EFCAB11: variants seen among roughly 807,000 people sequenced by gnomAD.
EFCAB11 encodes the protein EF-hand calcium binding domain 11.
EFCAB11 carries 14 observed loss-of-function variants against 23.0 expected under a neutral mutation model. The ratio of observed to expected loss-of-function variants is 0.61; its 90% confidence interval spans 0.40 to 0.95. EFCAB11 has a LOEUF of 0.95. EFCAB11 is among the 40% of genes least tolerant of loss of function. The pLI is 0.00. For missense variants in EFCAB11, 198 were observed against 195.8 expected, an observed-to-expected ratio of 1.01 and a Z score of -0.07; for synonymous variants, 65 against 66.6, an observed-to-expected ratio of 0.98 and a Z score of 0.11.
intron 5 of EFCAB11, among the ~76,000 whole-genome samples, chr14:89,813,592 G>C (rs531939794): frequency 6.6e-6 from 1 of 152,086 alleles, no homozygotes; most frequent in African/African-American, 2.4e-5. Context: ...TCTATGAGGA[G>C]CATTTGTTAC....
chr14:89,888,332 A>C (rs1241838883), intron 5 of EFCAB11, among the ~76,000 whole-genome samples: 1 of 152,220 alleles, frequency 6.6e-6, no homozygotes, highest in Non-Finnish European at 1.5e-5. Context: ...GCTATAAAGA[A>C]ATATCTGAGC....
In EFCAB11 at chr14:89,794,886, A is replaced by C. The variant is rs996720240; in HGVS notation, c.*2357T>G. The C allele has an allele frequency of 6.6e-6, 1 of 150,750 alleles. No homozygotes were observed. Among genetic ancestry groups the C allele is most frequent in the East Asian group, 2.0e-4 (1 of 5,054 alleles). The allele number at this position is 150,750 out of a possible 1,614,324, so 9.3% of individuals were successfully genotyped here. A position where few individuals can be genotyped will look rare whatever the true frequency, so the allele number is the denominator to read the frequency against. On this transcript the variant is annotated 3_prime_UTR_variant, in exon 6 of 6. Coordinates refer to ENST00000316738, the MANE Select transcript of EFCAB11 (RefSeq NM_145231.4). ...ACTATTAACATTATATATGAGTAGG[A>C]TACATTTGTTACAATTAATGAACCA...
intron 5 of EFCAB11, among the ~76,000 whole-genome samples, chr14:89,847,002 C>A (rs1241201851): frequency 6.6e-6 from 1 of 152,166 alleles, no homozygotes; most frequent in African/African-American, 2.4e-5. Context: ...TAAATATCTC[C>A]CTGGATTCCA....
chr14:89,868,469 A>G (rs569337768), intron 5 of EFCAB11, among the ~76,000 whole-genome samples: 2 of 152,326 alleles, frequency 1.3e-5, no homozygotes, highest in African/African-American at 4.8e-5. Flanking sequence ...TAAGGCATTT[A>G]CAAGAATACA....
At chr14:89,904,618 C>T (rs971019097) in intron 5 of EFCAB11, among the ~76,000 whole-genome samples, 2 of 152,166 alleles carry the variant, frequency 1.3e-5, no homozygotes, top group Non-Finnish European at 2.9e-5. Context: ...CCTATTTCTC[C>T]ATGTCCTCTC....
intron 5 of EFCAB11, among the ~76,000 whole-genome samples, chr14:89,872,759 G>C (rs1888320772): frequency 6.6e-6 from 1 of 151,726 alleles, no homozygotes; most frequent in Admixed American, 6.6e-5. Context: ...CAATATGACT[G>C]TATCCTTATG....
chr14:89,876,796 T>C (rs895442861), intron 5 of EFCAB11, among the ~76,000 whole-genome samples: 2 of 152,236 alleles, frequency 1.3e-5, no homozygotes, highest in African/African-American at 2.4e-5. Context: ...GTGTTGTAAC[T>C]TGGAGCACCT....
intron 3 of EFCAB11, among the ~76,000 whole-genome samples, chr14:89,948,228 T>C (rs1346182730): frequency 1.3e-5 from 2 of 152,212 alleles, no homozygotes; most frequent in South Asian, 2.1e-4. Flanking sequence ...AACAGGCATA[T>C]GTGAAAAGGT....
chr14:89,873,765 C>T (rs922844790), intron 5 of EFCAB11, among the ~76,000 whole-genome samples: 1 of 152,260 alleles, frequency 6.6e-6, no homozygotes, highest in Non-Finnish European at 1.5e-5. Context: ...ACATCCAGGA[C>T]ACGCTGATGT....
intron 3 of EFCAB11, among the ~76,000 whole-genome samples, chr14:89,934,515 C>T (rs1198531169): frequency 6.6e-6 from 1 of 152,182 alleles, no homozygotes; most frequent in Non-Finnish European, 1.5e-5. Context: ...GTTCAGTGCT[C>T]TGGAGACAAC....
intron 5 of EFCAB11, among the ~76,000 whole-genome samples, chr14:89,918,525 C>G (rs183159201): frequency 1.8e-3 from 257 of 146,184 alleles, no homozygotes; most frequent in African/African-American, 6.1e-3. Context: ...GGCAACAGAG[C>G]GAGACTCCAT....
intron 5 of EFCAB11, among the ~76,000 whole-genome samples, chr14:89,803,333 G>A (rs931457171): frequency 6.6e-6 from 1 of 152,220 alleles, no homozygotes; most frequent in African/African-American, 2.4e-5. Context: ...CTAAGGTTTT[G>A]AAATGAGCCC....
intron 3 of EFCAB11, among the ~76,000 whole-genome samples, chr14:89,935,956 C>T (rs796126669): frequency 2.0e-5 from 3 of 151,906 alleles, no homozygotes; most frequent in African/African-American, 4.8e-5. Context: ...TGCGGTGAGC[C>T]GAGATCGTGC....
intron 5 of EFCAB11, among the ~76,000 whole-genome samples, chr14:89,871,226 C>G (rs1217241949): frequency 6.6e-6 from 1 of 152,174 alleles, no homozygotes; most frequent in Non-Finnish European, 1.5e-5. Context: ...CACCATGCTT[C>G]CCTAACAAGT....
At chr14:89,917,089 TGTGTGTGTATGTG>T (rs1889873516) in intron 5 of EFCAB11, among the ~76,000 whole-genome samples, 1 of 120,352 alleles carries the variant, frequency 8.3e-6, no homozygotes, top group African/African-American at 5.8e-5. Context: ...TGTGTGTGTG[TGTGTGTGTATGTG>T]TGTGTTGAAA....
intron 5 of EFCAB11, among the ~76,000 whole-genome samples, chr14:89,815,576 G>A (rs1034917905): frequency 2.4e-4 from 36 of 152,080 alleles, no homozygotes; most frequent in African/African-American, 7.7e-4. Flanking sequence ...ACAGGCGCGC[G>A]CCACCACGCT....
chr14:89,803,014 AC>A (rs952339816), intron 5 of EFCAB11, among the ~76,000 whole-genome samples: 8 of 152,210 alleles, frequency 5.3e-5, no homozygotes, highest in African/African-American at 1.9e-4. Flanking sequence ...GCATTGCAGG[AC>A]GTTTGGCAGC....
intron 5 of EFCAB11, among the ~76,000 whole-genome samples, chr14:89,834,284 G>A (rs1178119405): frequency 7.0e-6 from 1 of 143,762 alleles, no homozygotes; most frequent in Non-Finnish European, 1.5e-5. Context: ...GCTGAGGCAG[G>A]TGAATCGCTT....
intron 5 of EFCAB11, among the ~76,000 whole-genome samples, chr14:89,918,417 T>C (rs1003008996): frequency 2.6e-5 from 4 of 151,436 alleles, no homozygotes; most frequent in African/African-American, 7.3e-5. Flanking sequence ...CACACGTCTG[T>C]AATCCCAGCT....
Sources: allele counts gnomAD v4.1 joint callset (sites outside exome capture counted in the v4.1 genomes callset), GRCh38; gene constraint gnomAD v4.1.1; transcripts MANE v1.5; gene names NCBI Gene and HGNC (gene_info 2026-07-23, HGNC 2026-07-21).